Variants in NHS observed in about 807,000 individuals in gnomAD.
NHS encodes NHS actin remodeling regulator.
Under a neutral mutation model 72.5 loss-of-function variants are expected in NHS, and 5 were observed. The observed-to-expected ratio is 0.07, with a 90% CI of 0.04 to 0.14. The LOEUF (loss-of-function observed/expected upper bound fraction) is 0.14, where lower values mean the gene tolerates loss of function less well. Ranked by LOEUF, NHS falls within the 10% of genes least tolerant of loss-of-function variation. The pLI is 1.00. For synonymous variants in NHS, 464 were observed against 547.7 expected (o/e 0.85, Z 2.13); for missense variants, 1,072 against 1,355.7 (o/e 0.79, Z 3.29).
intron 1 of NHS, among the ~76,000 whole-genome samples, chrX:17,618,735 A>G (rs2065758440): frequency 8.9e-6 from 1 of 112,368 alleles, no homozygotes; most frequent in Non-Finnish European, 1.9e-5. Flanking sequence ...CAGCTGGTGC[A>G]TTAGGTGGAT....
intron 1 of NHS, among the ~76,000 whole-genome samples, chrX:17,588,416 G>T (rs144719777): frequency 8.9e-6 from 1 of 111,828 alleles, no homozygotes; most frequent in Non-Finnish European, 1.9e-5. Flanking sequence ...TACAGTAAGC[G>T]CTGTAGTACA....
At chrX:17,423,959 G>A (rs2064636569) in intron 1 of NHS, among the ~76,000 whole-genome samples, 1 of 112,401 alleles carries the variant, frequency 8.9e-6, no homozygotes, top group African/African-American at 3.2e-5. Context: ...AGACAGTAAT[G>A]CCTTATTTTA....
At chrX:17,659,850 CAG>C (rs1331929742) in intron 1 of NHS, among the ~76,000 whole-genome samples, 1 of 111,788 alleles carries the variant, frequency 8.9e-6, no homozygotes, top group Non-Finnish European at 1.9e-5. Context: ...AACTGAGGCA[CAG>C]AGAGAATAAA....
At chrX:17,559,134 G>A (rs1387464196) in intron 1 of NHS, among the ~76,000 whole-genome samples, 1 of 111,937 alleles carries the variant, frequency 8.9e-6, no homozygotes, top group African/African-American at 3.3e-5. Context: ...TCCCTGAGAG[G>A]GCTGTTCCAT....
intron 1 of NHS, among the ~76,000 whole-genome samples, chrX:17,663,893 A>G (rs1471189837): frequency 8.9e-6 from 1 of 111,912 alleles, no homozygotes; most frequent in African/African-American, 3.2e-5. Flanking sequence ...GAGCCATTCT[A>G]ATGGATATGA....
At chrX:17,539,353 C>T (rs755989138) in intron 1 of NHS, among the ~76,000 whole-genome samples, 1 of 109,743 alleles carries the variant, frequency 9.1e-6, no homozygotes. Flanking sequence ...TAATGCTCTG[C>T]GACATAGCAT....
intron 1 of NHS, among the ~76,000 whole-genome samples, chrX:17,494,076 C>CTTTT (rs749475125): frequency 1.8e-4 from 13 of 73,308 alleles, no homozygotes; most frequent in East Asian, 4.6e-4. Flanking sequence ...TCCTGGATGA[C>CTTTT]TTTTTTTTTT....
At chrX:17,638,216 A>C (rs922346723) in intron 1 of NHS, among the ~76,000 whole-genome samples, 2 of 111,899 alleles carry the variant, frequency 1.8e-5, no homozygotes, top group Non-Finnish European at 3.8e-5. Flanking sequence ...TGTCATTATC[A>C]GTGTCATCTT....
intron 1 of NHS, among the ~76,000 whole-genome samples, chrX:17,513,700 T>A (rs767464195): frequency 2.7e-5 from 3 of 112,138 alleles, no homozygotes; most frequent in Non-Finnish European, 5.6e-5. Context: ...TGGGGCCAGT[T>A]GTGCACCACA....
At chrX:17,573,845 C>G (rs1485704325) in intron 1 of NHS, among the ~76,000 whole-genome samples, 2 of 111,508 alleles carry the variant, frequency 1.8e-5, no homozygotes, top group African/African-American at 6.5e-5. Context: ...ATGTTGGTGA[C>G]CTACGGATGG....
chrX:17,635,860 C>T (rs2065843879), intron 1 of NHS, among the ~76,000 whole-genome samples: 1 of 112,268 alleles, frequency 8.9e-6, no homozygotes, highest in Non-Finnish European at 1.9e-5. Context: ...GGCTGGCCAA[C>T]GTTTTCGCCT....
At chrX:17,694,168 C>T (rs907153375) in intron 3 of NHS, among the ~76,000 whole-genome samples, 1 of 112,101 alleles carries the variant, frequency 8.9e-6, no homozygotes, top group Non-Finnish European at 1.9e-5. Flanking sequence ...CAACAAACAT[C>T]AATAAGAGAA....
intron 1 of NHS, among the ~76,000 whole-genome samples, chrX:17,590,556 A>G (rs1340120510): frequency 1.8e-5 from 2 of 112,038 alleles, no homozygotes; most frequent in African/African-American, 6.5e-5. Flanking sequence ...CCAGTTTTAT[A>G]AAAACAAACA....
intron 1 of NHS, among the ~76,000 whole-genome samples, chrX:17,599,612 T>C: frequency 9.1e-6 from 1 of 110,478 alleles, no homozygotes; most frequent in African/African-American, 3.3e-5. Flanking sequence ...TATACTGATA[T>C]ATTATATATA....
intron 1 of NHS, chrX:17,557,140 T>TG: frequency 9.5e-6 from 1 of 105,719 alleles, no homozygotes; most frequent in African/African-American, 3.5e-5. Context: ...TGTGTGTGTG[T>TG]GTGTGTGTGT....
chrX:17,573,675 C>T (rs2065494429), intron 1 of NHS, among the ~76,000 whole-genome samples: 1 of 110,800 alleles, frequency 9.0e-6, no homozygotes, highest in South Asian at 3.9e-4. Context: ...AAGCCTACTT[C>T]TGTCAACTCG....
At chrX:17,581,494 TGAAG>T (rs2065543619) in intron 1 of NHS, among the ~76,000 whole-genome samples, 1 of 111,191 alleles carries the variant, frequency 9.0e-6, no homozygotes, top group African/African-American at 3.3e-5. Flanking sequence ...TGAAGGGAAC[TGAAG>T]GAAGGGAGAG....
At chrX:17,439,613 A>G (rs2064742649) in intron 1 of NHS, among the ~76,000 whole-genome samples, 1 of 111,860 alleles carries the variant, frequency 8.9e-6, no homozygotes, top group African/African-American at 3.3e-5. Flanking sequence ...TGTAGCTCCC[A>G]TTGATTCCTT....
intron 1 of NHS, among the ~76,000 whole-genome samples, chrX:17,575,733 T>TC (rs761955348): frequency 1.2e-3 from 139 of 112,498 alleles, no homozygotes; most frequent in African/African-American, 3.9e-3. Context: ...AGCACAATGC[T>TC]CCTCTCATGG....
Sources: allele counts gnomAD v4.1 joint callset (sites outside exome capture counted in the v4.1 genomes callset), GRCh38; gene constraint gnomAD v4.1.1; transcripts MANE v1.5; gene names NCBI Gene and HGNC (gene_info 2026-07-23, HGNC 2026-07-21).